The following RDH8 variants were observed in gnomAD, a reference collection of about 807,000 sequenced individuals.
The protein encoded by RDH8 is retinol dehydrogenase 8.
Under a neutral mutation model 22.3 loss-of-function variants are expected in RDH8, and 14 were observed. The observed-to-expected ratio is 0.63, with a 90% CI of 0.42 to 0.98. The LOEUF (loss-of-function observed/expected upper bound fraction) is 0.98, where lower values mean the gene tolerates loss of function less well. Ranked by LOEUF, RDH8 falls within the 50% of genes least tolerant of loss-of-function variation. RDH8 has a pLI of 0.00. For missense variants in RDH8, 389 were observed against 409.8 expected (o/e 0.95, Z 0.44); for synonymous variants, 175 against 171.7 (o/e 1.02, Z -0.15).
chr19:10,015,947 A>G (rs2087610591), intron 1 of RDH8, among the ~76,000 whole-genome samples: 1 of 150,716 alleles, frequency 6.6e-6, no homozygotes, highest in South Asian at 2.1e-4. Context: ...CAAGAGTGAA[A>G]CTTCGTCTCA....
intron 1 of RDH8, among the ~76,000 whole-genome samples, chr19:10,015,503 C>T (rs2087605489): frequency 6.6e-6 from 1 of 151,904 alleles, no homozygotes. Flanking sequence ...GGTGGCAGTG[C>T]CTATAATCCC....
rs544044349 is a variant in RDH8 at position 10,018,866 on chromosome 19, G to A, written c.398G>A (p.Arg133Gln). 1.9e-5 allele frequency: 30 copies of A among 1,613,664 alleles called. No individual in the cohort carries two copies. The highest frequency in any genetic ancestry group is 1.6e-4 in the East Asian group (7 of 44,852). ...GTGCTTCCAGGCATGAAGAGGAGGC[G>A]GCAGGGCCACATCGTGGTGATCAGC... ...KAVLPGMKRR[R>Q]QGHIVVISSV... Residue 133 changes from arginine (R) to glutamine (Q), a missense_variant, in exon 3 of 6, where the codon CGG becomes CAG. Physicochemically the swap from Arg to Gln is conservative, Grantham distance 43. Coordinates refer to ENST00000591589, the MANE Select transcript of RDH8 (RefSeq NM_015725.4).
At position 10,021,949 on chromosome 19, in the gene RDH8, A is replaced by G. The variant is rs2087665856; in HGVS notation, c.*200A>G. The G allele has an allele frequency of 3.1e-6, 2 of 634,924 alleles. No homozygotes were observed. The highest frequency in any genetic ancestry group is 6.1e-5 in the Admixed American group (2 of 32,536). 39.3% of individuals were successfully genotyped at this position (634,924 alleles called of 1,614,324 possible). ...CTCTGTGGTCACAGCTGGAGCACAGAGAGGGACCCTGGGAACTTGGCCTGG... is the reference window on the plus strand; with the variant it reads ...CTCTGTGGTCACAGCTGGAGCACAGGGAGGGACCCTGGGAACTTGGCCTGG... On this transcript the variant is annotated 3_prime_UTR_variant, in exon 6 of 6. Coordinates refer to ENST00000591589, the MANE Select transcript of RDH8 (RefSeq NM_015725.4).
At chr19:10,016,358 T>TGC (rs1568441222) in intron 1 of RDH8, among the ~76,000 whole-genome samples, 3 of 149,372 alleles carry the variant, frequency 2.0e-5, no homozygotes, top group Middle Eastern at 3.4e-3. Context: ...GGTTTCACCA[T>TGC]GTTAGCCAGG....
In RDH8 at chr19:10,017,058, C is replaced by T. The variant is rs200198658; in HGVS notation, c.105C>T (p.Val35=). 7.0e-6 allele frequency: 11 copies of T among 1,567,614 alleles called. No homozygotes were observed. In the South Asian group the frequency reaches 7.1e-5, roughly 10 times the overall value. The stretch of plus-strand genomic sequence containing the variant: ...CCTGCTTTACTCTCTGCCCCGCAGT[C>T]GTGGCCACCATGAGGGACCTGGGGA... ...LAHDPKKRYQ[V]VATMRDLGKK... is the part of the protein sequence containing the mutation. Residue 35 remains valine (V), a splice_region_variant and synonymous_variant, in exon 2 of 6, where the codon GTC becomes GTT. Coordinates refer to ENST00000591589, the MANE Select transcript of RDH8 (RefSeq NM_015725.4).
chr19:10,020,829 G>A (rs767903714), intron 4 of RDH8, 27 bp downstream of exon 4: 42 of 1,547,108 alleles, frequency 2.7e-5, no homozygotes, highest in Non-Finnish European at 3.6e-5. Flanking sequence ...GGCAGAGGGG[G>A]CTTGGAGCCA....
chr19:10,021,514 TC>T lies in RDH8; in HGVS notation c.721-19del. 1 of 1,613,894 alleles carries T rather than the reference TC, an allele frequency of 6.2e-7. No individual in the cohort carries two copies. The highest frequency in any genetic ancestry group is 8.5e-7 in the Non-Finnish European group (1 of 1,179,878). On this transcript the variant is annotated intron_variant, in intron 5 of 5. Transcript: ENST00000591589. ...TGAGGCCCTCCCTGGGTCCCAGCGC[TC>T]AGGGCCTCCATTCTGCAGGCCATTG...
chr19:10,016,124 CTTATTTAT>C lies in RDH8; in HGVS notation c.104-898_104-891del, dbSNP rs139050285. 3.2e-3 allele frequency among the ~76,000 whole-genome samples: 455 copies of C among 142,426 alleles called. 7 individuals are homozygous for C. The South Asian group carries it at 0.045, about 14-fold the overall frequency. The allele number at this position is 142,426 out of a possible 152,430, so 93.4% of individuals were successfully genotyped here. Reference sequence around the variant, plus strand: ...AATTCCATGAAGGCAGAAACTTTATCTTATTTATTTATTTATTTATTTATTTATTTATT... The same window carrying C: ...AATTCCATGAAGGCAGAAACTTTATCTTATTTATTTATTTATTTATTTATT... On this transcript the variant is annotated intron_variant, in intron 1 of 5. Coordinates refer to ENST00000591589, the MANE Select transcript of RDH8 (RefSeq NM_015725.4).
intron 1 of RDH8, 28 bp downstream of exon 1, chr19:10,013,628 G>T: frequency 6.2e-7 from 1 of 1,612,866 alleles, no homozygotes; most frequent in African/African-American, 1.3e-5. Context: ...GCACTAGGAG[G>T]CAGCCGGGTG....
chr19:10,014,526 C>CATTTTATTATT (rs1219825484), intron 1 of RDH8, among the ~76,000 whole-genome samples: 1 of 152,028 alleles, frequency 6.6e-6, no homozygotes, highest in African/African-American at 2.4e-5. Context: ...TCATTCACCC[C>CATTTTATTATT]ATTTTATTAT....
In RDH8 at chr19:10,018,714, AG is replaced by A. The variant is rs1164723217; in HGVS notation, c.263-16del. The A allele has an allele frequency of 6.9e-6, 11 of 1,583,438 alleles. No homozygotes were observed. Among genetic ancestry groups the A allele is most frequent in the Non-Finnish European group, 9.5e-6 (11 of 1,161,024 alleles). ...AGTGAGGGACTTTAAGGTAACCCTT[AG>A]TACCTCTTCTCTTAGTGAATAATGC... On this transcript the variant is annotated splice_polypyrimidine_tract_variant and intron_variant, in intron 2 of 5. Coordinates refer to ENST00000591589, the MANE Select transcript of RDH8 (RefSeq NM_015725.4).
chr19:10,016,113 A>G (rs73007147), intron 1 of RDH8, among the ~76,000 whole-genome samples: 16,185 of 150,858 alleles, frequency 0.11, 1,157 homozygotes, highest in South Asian at 0.15. Flanking sequence ...CCATGAAGGC[A>G]GAAACTTTAT....
At chr19:10,016,993 G>A (rs1042928851) in intron 1 of RDH8, 64 bp from the exon 2 acceptor site, 45 of 1,415,862 alleles carry the variant, frequency 3.2e-5, no homozygotes, top group African/African-American at 1.6e-4. Context: ...TCACAGACAC[G>A]TGGCGCCCAC....
chr19:10,014,596 G>C (rs1201574625), intron 1 of RDH8, among the ~76,000 whole-genome samples: 1 of 152,110 alleles, frequency 6.6e-6, no homozygotes, highest in Admixed American at 6.5e-5. Flanking sequence ...GCTGAGTGCA[G>C]TGGTGCATCT....
At position 10,021,954 on chromosome 19, in the gene RDH8, G is replaced by A. The variant is rs1228320601; in HGVS notation, c.*205G>A. ...TGGTCACAGCTGGAGCACAGAGAGG[G>A]ACCCTGGGAACTTGGCCTGGGAAGC... is the stretch of plus-strand genomic sequence containing the variant. On this transcript the variant is annotated 3_prime_UTR_variant, in exon 6 of 6. Transcript: ENST00000591589. 9 of 623,342 alleles carry A rather than the reference G, an allele frequency of 1.4e-5. No individual in the cohort carries two copies. Among genetic ancestry groups the A allele is most frequent in the South Asian group, 1.3e-4 (6 of 47,562 alleles). 38.6% of individuals were successfully genotyped at this position (623,342 alleles called of 1,614,324 possible). A position where few individuals can be genotyped will look rare whatever the true frequency, so the allele number is the denominator to read the frequency against.
rs537882021 is a variant in RDH8 at position 10,022,119 on chromosome 19, C to T, written c.*370C>T. 1.2e-5 allele frequency: 3 copies of T among 243,916 alleles called. No homozygotes were observed. Among genetic ancestry groups the T allele is most frequent in the African/African-American group, 6.8e-5 (3 of 44,428 alleles). 15.1% of individuals were successfully genotyped at this position (243,916 alleles called of 1,614,324 possible). On this transcript the variant is annotated 3_prime_UTR_variant, in exon 6 of 6. Transcript: ENST00000591589. ...CTTCATGATCCTGGGCCTGAGAACA[C>T]AGGAATGATTCATAGCCCACCCCCC...
intron 1 of RDH8, among the ~76,000 whole-genome samples, chr19:10,014,290 C>T (rs1355553395): frequency 6.6e-6 from 1 of 152,210 alleles, no homozygotes; most frequent in Admixed American, 6.5e-5. Context: ...GCTGCTTCTC[C>T]CAGCCCTCTG....
chr19:10,019,297 C>CAA (rs34101494), intron 3 of RDH8, among the ~76,000 whole-genome samples: 7 of 148,376 alleles, frequency 4.7e-5, no homozygotes, highest in South Asian at 4.3e-4. Flanking sequence ...AACTCTGTCT[C>CAA]AAAAAAAATA....
rs567085330 is a variant in RDH8, at chr19:10,018,604, G to A, written c.263-127G>A. The A allele has an allele frequency of 5.9e-6, 4 of 674,792 alleles. No homozygotes were observed. The Admixed American group carries it at 8.0e-5, about 14-fold the overall frequency. The allele number at this position is 674,792 out of a possible 1,614,324, so 41.8% of individuals were successfully genotyped here. On this transcript the variant is annotated intron_variant, in intron 2 of 5. Transcript: ENST00000591589. Reference sequence around the variant, plus strand: ...TAAAGGTTACCAAGGTTTCATATTTGTCCACCCAAGATACCCTGGACTGGC... The same window carrying A: ...TAAAGGTTACCAAGGTTTCATATTTATCCACCCAAGATACCCTGGACTGGC...
Sources: gnomAD v4.1 joint callset for allele counts (sites outside exome capture counted in the v4.1 genomes callset) on GRCh38, gnomAD v4.1.1 for gene constraint, MANE v1.5 for transcripts, NCBI Gene and HGNC (gene_info 2026-07-23, HGNC 2026-07-21) for gene names.